RNPEP: variants seen among roughly 807,000 people sequenced by gnomAD.
RNPEP encodes the protein arginyl aminopeptidase, also known as aminopeptidase B.
A neutral mutation model predicts 70.1 loss-of-function variants in RNPEP; 57 were observed. The ratio of observed to expected loss-of-function variants is 0.81; its 90% confidence interval spans 0.66 to 1.01. RNPEP has a LOEUF of 1.01. RNPEP is among the 50% of genes least tolerant of loss of function. RNPEP has a pLI of 0.00. For synonymous variants in RNPEP, 335 were observed against 357.4 expected (o/e 0.94, Z 0.71); for missense variants, 787 against 852.4 (o/e 0.92, Z 0.96).
chr1:201,993,915 C>A (rs1683443656), intron 3 of RNPEP, among the ~76,000 whole-genome samples: 1 of 151,644 alleles, frequency 6.6e-6, no homozygotes, highest in Admixed American at 6.6e-5. Context: ...CCCCCCCACC[C>A]CACAATCATT....
At chr1:201,996,123 C>T (rs1683538559) in intron 3 of RNPEP, 24 bp from the exon 4 acceptor site, 22 of 1,590,226 alleles carry the variant, frequency 1.4e-5, no homozygotes, top group Middle Eastern at 1.7e-4. Flanking sequence ...CACCATTCTG[C>T]TTTCTCTGCT....
intron 7 of RNPEP, 33 bp downstream of exon 7, chr1:202,001,521 C>CTTA (rs746146130): frequency 6.5e-7 from 1 of 1,534,580 alleles, no homozygotes; most frequent in East Asian, 2.2e-5. Context: ...GGAAGAGGAG[C>CTTA]GGATAAAGCC....
intron 1 of RNPEP, among the ~76,000 whole-genome samples, chr1:201,987,938 C>T (rs1683188870): frequency 6.7e-6 from 1 of 148,754 alleles, no homozygotes; most frequent in Non-Finnish European, 1.5e-5. Flanking sequence ...GTCAGGAGTT[C>T]AAGACCAGCC....
intron 5 of RNPEP, among the ~76,000 whole-genome samples, chr1:201,999,084 G>T (rs1337731699): frequency 1.3e-5 from 2 of 152,136 alleles, no homozygotes; most frequent in Non-Finnish European, 2.9e-5. Context: ...AGGCATCATG[G>T]TGTGTGCCTG....
chr1:201,996,198 C>G lies in RNPEP; in HGVS notation c.789C>G (p.Tyr263Ter). 1 of 1,614,166 alleles carries G rather than the reference C, an allele frequency of 6.2e-7. No individual in the cohort carries two copies. Among genetic ancestry groups the G allele is most frequent in the Non-Finnish European group, 8.5e-7 (1 of 1,180,040 alleles). ...TGATTGATGCTGCCAAGGAGGAGTA[C>G]AACGGGGTGATAGAAGAATTTTTGG... ...PCLIDAAKEE[Y>*]NGVIEEFLAT... The change falls in exon 4 of 11, where the codon TAC becomes TAG. Residue 263 changes from tyrosine to a stop codon, truncating the protein, a stop_gained. Coordinates refer to ENST00000295640, the MANE Select transcript of RNPEP (RefSeq NM_020216.4). LOFTEE classifies it high-confidence loss of function.
chr1:201,999,664 C>G (rs1683707876), intron 5 of RNPEP, among the ~76,000 whole-genome samples: 1 of 152,208 alleles, frequency 6.6e-6, no homozygotes, highest in South Asian at 2.1e-4. Context: ...AGACCAACAG[C>G]CTGAGTTAAC....
At chr1:201,983,149 C>A in intron 1 of RNPEP, 36 bp downstream of exon 1, 1 of 1,435,496 alleles carries the variant, frequency 7.0e-7, no homozygotes. Context: ...CCGCTGCCTG[C>A]CTGCCCTTCC....
At chr1:202,004,528 G>T (rs367671096) in intron 10 of RNPEP, 32 bp downstream of exon 10, 3 of 1,609,468 alleles carry the variant, frequency 1.9e-6, no homozygotes, top group Non-Finnish European at 2.5e-6. Context: ...GTTCCCGAAA[G>T]CACACTGGGA....
Position 202,001,731 on chromosome 1 carries a change from C to T in RNPEP, c.1390C>T (p.Pro464Ser). Residue 464 changes from proline (P) to serine (S), a missense_variant, in exon 8 of 11, where the codon CCT (proline) becomes TCT (serine). Pro to Ser is a moderately conservative substitution (Grantham distance 74). Transcript: ENST00000295640. ...DFLDFYLEYF[P>S]ELKKKRVDII... ...TCTGGACTTCTACTTGGAATATTTC[C>T]CTGAGCTTAAGAAAAAGAGAGTGGA... The T allele has an allele frequency of 6.2e-7, 1 of 1,612,370 alleles. No individual in the cohort carries two copies. The highest frequency in any genetic ancestry group is 1.1e-5 in the South Asian group (1 of 91,060).
chr1:201,985,825 C>T (rs1276714147), intron 1 of RNPEP, among the ~76,000 whole-genome samples: 2 of 152,226 alleles, frequency 1.3e-5, no homozygotes, highest in Non-Finnish European at 2.9e-5. Context: ...TTTTCTGTTC[C>T]AGGAAGCCAT....
chr1:201,995,158 C>G (rs1359668011), intron 3 of RNPEP, among the ~76,000 whole-genome samples: 1 of 152,066 alleles, frequency 6.6e-6, no homozygotes, highest in African/African-American at 2.4e-5. Flanking sequence ...GTTTCCCTAT[C>G]TTTTTATTAA....
intron 3 of RNPEP, among the ~76,000 whole-genome samples, chr1:201,995,343 CA>C (rs1458701317): frequency 6.6e-6 from 1 of 152,122 alleles, no homozygotes; most frequent in East Asian, 1.9e-4. Flanking sequence ...CTTATAACCA[CA>C]ATCCCATTAT....
At chr1:201,987,524 G>A (rs1683176971) in intron 1 of RNPEP, among the ~76,000 whole-genome samples, 1 of 144,646 alleles carries the variant, frequency 6.9e-6, no homozygotes, top group African/African-American at 2.6e-5. Context: ...TGCAACATCT[G>A]CCTCCTGGGT....
At position 202,005,497 on chromosome 1, in the gene RNPEP, G is replaced by C. The variant is rs1571653553; in HGVS notation, c.1795-61G>C. 1.9e-6 allele frequency: 3 copies of C among 1,579,176 alleles called. No homozygotes were observed. The East Asian group carries it at 6.8e-5, about 36-fold the overall frequency. ...TGCTGTTAGACTGGCACTGGGGGCA[G>C]CAGGGCTGGACAGATCCACCAGGCA... On this transcript the variant is annotated intron_variant, in intron 10 of 10. Coordinates refer to ENST00000295640, the MANE Select transcript of RNPEP (RefSeq NM_020216.4).
intron 1 of RNPEP, among the ~76,000 whole-genome samples, chr1:201,987,469 G>A (rs1298963835): frequency 5.6e-5 from 7 of 124,660 alleles, no homozygotes; most frequent in East Asian, 2.3e-4. Context: ...GCAGAGTCTC[G>A]CTCTGTCACC....
Position 201,988,899 on chromosome 1 carries a change from C to T in RNPEP, c.448-5C>T, listed in dbSNP as rs1218675928. The T allele has an allele frequency of 6.2e-7, 1 of 1,606,784 alleles. No individual in the cohort carries two copies. Among genetic ancestry groups the T allele is most frequent in the Non-Finnish European group, 8.5e-7 (1 of 1,176,796 alleles). On this transcript the variant is annotated splice_polypyrimidine_tract_variant and splice_region_variant and intron_variant, in intron 1 of 10. Transcript: ENST00000295640. ...CAGTTCTGAAATGTTCTTCTTTTCG[C>T]TTAGGTTTGCTGGTTGGCTCCCGAG...
chr1:202,001,075 T>C (rs1683781388), intron 6 of RNPEP: 4 of 343,796 alleles, frequency 1.2e-5, no homozygotes, highest in Non-Finnish European at 2.1e-5. Flanking sequence ...GGTTTCTCTG[T>C]CTTCATATTA....
chr1:201,989,369 T>G lies in RNPEP; in HGVS notation c.589-14T>G, dbSNP rs1683241500. 6.2e-7 allele frequency: 1 copy of G among 1,612,520 alleles called. No individual in the cohort carries two copies. Among genetic ancestry groups the G allele is most frequent in the Non-Finnish European group, 8.5e-7 (1 of 1,179,510 alleles). ...CTCTCCAGGTAAAATCTCCTAAGCT[T>G]TCTCTGTTGTCAGGTCCCAGATGGC... is the stretch of plus-strand genomic sequence containing the variant. On this transcript the variant is annotated splice_polypyrimidine_tract_variant and intron_variant, in intron 2 of 10. Coordinates refer to ENST00000295640, the MANE Select transcript of RNPEP (RefSeq NM_020216.4).
chr1:201,994,957 G>C (rs1480824895), intron 3 of RNPEP, among the ~76,000 whole-genome samples: 1 of 148,628 alleles, frequency 6.7e-6, no homozygotes, highest in Non-Finnish European at 1.5e-5. Context: ...TGGGATTACA[G>C]ACATGAGCCA....
Sources: allele counts gnomAD v4.1 joint callset (sites outside exome capture counted in the v4.1 genomes callset), GRCh38; gene constraint gnomAD v4.1.1; transcripts MANE v1.5; gene names NCBI Gene and HGNC (gene_info 2026-07-23, HGNC 2026-07-21).